The following VPS13A variants were observed in gnomAD, a reference collection of about 807,000 sequenced individuals.
VPS13A encodes the protein intermembrane lipid transfer protein VPS13A.
VPS13A carries 264 observed loss-of-function variants against 390.9 expected under a neutral mutation model. The observed-to-expected ratio is 0.68, with a 90% CI of 0.61 to 0.75. The LOEUF is 0.75. Ranked by LOEUF, VPS13A falls within the 30% of genes least tolerant of loss-of-function variation. The probability of loss-of-function intolerance (pLI) is 0.00; values close to 1 mark genes in which losing one functional copy is unlikely to be tolerated. For missense variants in VPS13A, 3,409 were observed against 3,733.9 expected (o/e 0.91, Z 2.27); for synonymous variants, 1,231 against 1,227.1 (o/e 1.00, Z -0.07).
chr9:77,306,346 GATCTTTTTTAC>G, intron 34 of VPS13A, among the ~76,000 whole-genome samples: 1 of 151,112 alleles, frequency 6.6e-6, no homozygotes, highest in Non-Finnish European at 1.5e-5. Flanking sequence ...CAAACTCAAA[GATCTTTTTTAC>G]ATTATTTCTG....
At chr9:77,183,021 C>CT (rs1202138903) in intron 1 of VPS13A, among the ~76,000 whole-genome samples, 1 of 152,150 alleles carries the variant, frequency 6.6e-6, no homozygotes, top group Non-Finnish European at 1.5e-5. Flanking sequence ...ACAAATGATT[C>CT]TTACAGTCTG....
Position 77,323,602 on chromosome 9 carries a change from A to C in VPS13A, c.5991+375A>C, listed in dbSNP as rs562979883. ...TATTGAGGTATGTACAATAAACTGC[A>C]TATATTTAAAGTTGATGACTTTTGA... On this transcript the variant is annotated intron_variant, in intron 45 of 71. Coordinates refer to ENST00000360280, the MANE Select transcript of VPS13A (RefSeq NM_033305.3). Among the ~76,000 whole-genome samples the C allele has an allele frequency of 5.3e-5, 8 of 152,290 alleles. 1 individual carries two copies. In the South Asian group the frequency reaches 1.7e-3, roughly 32 times the overall value.
chr9:77,399,181 T>TAAAAAAAAAAAAAAAAAAAAAAAAAAA (rs1223344360), intron 68 of VPS13A, among the ~76,000 whole-genome samples: 1 of 34,968 alleles, frequency 2.9e-5, no homozygotes, highest in Non-Finnish European at 6.1e-5. Flanking sequence ...AAAAAAAAAA[T>TAAAAAAAAAAAAAAAAAAAAAAAAAAA]AAAAAAAAAA....
chr9:77,318,618 C>A, intron 41 of VPS13A, 27 bp downstream of exon 41: 1 of 1,508,256 alleles, frequency 6.6e-7, no homozygotes, highest in Non-Finnish European at 9.2e-7. Context: ...AGTTTTATAA[C>A]AGATAATGAT....
chr9:77,361,561 A>G (rs547215691), intron 59 of VPS13A, among the ~76,000 whole-genome samples: 1 of 152,050 alleles, frequency 6.6e-6, no homozygotes, highest in South Asian at 2.1e-4. Flanking sequence ...ACAAGTTTTT[A>G]TTGGACAAAA....
chr9:77,191,699 TC>T (rs1405515927), intron 1 of VPS13A, among the ~76,000 whole-genome samples: 1 of 152,192 alleles, frequency 6.6e-6, no homozygotes, highest in Non-Finnish European at 1.5e-5. Context: ...TTTTGAGAGA[TC>T]TTCTTGGTAT....
At chr9:77,199,335 CTT>C (rs900148746) in intron 1 of VPS13A, among the ~76,000 whole-genome samples, 3 of 152,082 alleles carry the variant, frequency 2.0e-5, no homozygotes, top group Non-Finnish European at 4.4e-5. Flanking sequence ...GCCTGGATGA[CTT>C]TTGTGTATGT....
chr9:77,401,369 G>A (rs1217984419), intron 68 of VPS13A, among the ~76,000 whole-genome samples: 2 of 140,370 alleles, frequency 1.4e-5, no homozygotes, highest in Admixed American at 7.2e-5. Context: ...GTGTGTGTGT[G>A]TGTGTAAAAA....
At chr9:77,282,425 G>A in intron 29 of VPS13A, 151 bp downstream of exon 29, 1 of 710,148 alleles carries the variant, frequency 1.4e-6, no homozygotes, top group Non-Finnish European at 2.3e-6. Flanking sequence ...TATATGCCAG[G>A]ATAATTTTAG....
intron 17 of VPS13A, among the ~76,000 whole-genome samples, chr9:77,232,768 G>C (rs1823909394): frequency 6.6e-6 from 1 of 152,074 alleles, no homozygotes; most frequent in Non-Finnish European, 1.5e-5. Flanking sequence ...GAACAGCACT[G>C]GAAAAACCTA....
chr9:77,369,224 G>A (rs536360608), intron 62 of VPS13A, 75 bp from the exon 63 acceptor site: 93 of 1,135,856 alleles, frequency 8.2e-5, no homozygotes, highest in African/African-American at 1.5e-4. Flanking sequence ...AAAACTGGGC[G>A]TGTGTTTTAA....
chr9:77,268,709 G>A (rs1023122961), intron 23 of VPS13A, among the ~76,000 whole-genome samples: 1 of 152,102 alleles, frequency 6.6e-6, no homozygotes, highest in Non-Finnish European at 1.5e-5. Context: ...GGAGCCCGAG[G>A]CAGGCAGATC....
chr9:77,212,330 T>C (rs555702696), intron 7 of VPS13A, among the ~76,000 whole-genome samples: 2 of 152,338 alleles, frequency 1.3e-5, no homozygotes, highest in East Asian at 3.9e-4. Flanking sequence ...TGCCTGAATG[T>C]GCCATATATT....
At chr9:77,180,864 T>G (rs1259698182) in intron 1 of VPS13A, among the ~76,000 whole-genome samples, 1 of 152,190 alleles carries the variant, frequency 6.6e-6, no homozygotes, top group Non-Finnish European at 1.5e-5. Flanking sequence ...TCCCTCTAAC[T>G]TTAGTCTTTA....
At chr9:77,212,933 G>T in intron 7 of VPS13A, 36 bp from the exon 8 acceptor site, 1 of 1,606,350 alleles carries the variant, frequency 6.2e-7, no homozygotes, top group South Asian at 1.1e-5. Context: ...CAAATGGAAT[G>T]ACCTTTTTAC....
chr9:77,304,913 C>T (rs1355729542), intron 34 of VPS13A, among the ~76,000 whole-genome samples: 1 of 151,636 alleles, frequency 6.6e-6, no homozygotes, highest in African/African-American at 2.4e-5. Flanking sequence ...ATGAGAAAAC[C>T]ATCATTTTAG....
chr9:77,412,596 T>C (rs1211323922), intron 71 of VPS13A, among the ~76,000 whole-genome samples: 1 of 152,176 alleles, frequency 6.6e-6, no homozygotes, highest in Non-Finnish European at 1.5e-5. Context: ...ATGGGATGTA[T>C]CTCAAAATAA....
rs149977492 is a variant in VPS13A at position 77,269,174 on chromosome 9, C to G, written c.2428-4106C>G. On this transcript the variant is annotated intron_variant, in intron 23 of 71. Transcript: ENST00000360280. ...AATTTAAGGTCAAGAAGATTTTTCC[C>G]TATGTTTTTTTCTAGAAATTTTTTA... Among the ~76,000 whole-genome samples the G allele has an allele frequency of 3.0e-3, 451 of 152,096 alleles. 2 individuals carry two copies. The highest frequency in any genetic ancestry group is 0.01 in the African/African-American group (425 of 41,502).
At chr9:77,310,677 A>G (rs1038108216) in intron 35 of VPS13A, among the ~76,000 whole-genome samples, 4 of 152,248 alleles carry the variant, frequency 2.6e-5, no homozygotes, top group Admixed American at 2.6e-4. Flanking sequence ...TAAATAAAAA[A>G]GTAAATGTTA....
Sources: allele counts gnomAD v4.1 joint callset (sites outside exome capture counted in the v4.1 genomes callset), GRCh38; gene constraint gnomAD v4.1.1; transcripts MANE v1.5; gene names NCBI Gene and HGNC (gene_info 2026-07-23, HGNC 2026-07-21).